Variants in ZNF346 observed in about 807,000 individuals in gnomAD.
ZNF346 encodes the protein double-stranded RNA-binding zinc finger protein JAZ.
In ZNF346, 23 loss-of-function variants were observed where a neutral mutation model predicts 33.7. That is an observed-to-expected ratio of 0.68 (90% CI 0.49 to 0.97). The LOEUF is 0.97. Among genes scored for constraint, ZNF346 ranks in the 50% least tolerant of loss-of-function variants. The probability of loss-of-function intolerance (pLI) is 0.00; values close to 1 mark genes in which losing one functional copy is unlikely to be tolerated. For missense variants in ZNF346, 340 were observed against 371.1 expected (o/e 0.92, Z 0.69); for synonymous variants, 134 against 142.4 (o/e 0.94, Z 0.42).
At chr5:177,031,457 G>A (rs1269423635) in intron 1 of ZNF346, among the ~76,000 whole-genome samples, 1 of 152,150 alleles carries the variant, frequency 6.6e-6, no homozygotes, top group Non-Finnish European at 1.5e-5. Context: ...TTTCAAATAA[G>A]AAGTTGTCAT....
At position 177,041,159 on chromosome 5, in the gene ZNF346, T is replaced by G; in HGVS notation, c.209T>G (p.Phe70Cys). Residue 70 changes from phenylalanine to cysteine, a missense_variant, in exon 2 of 7, where the codon TTC (phenylalanine) becomes TGC (cysteine). Phe to Cys is a radical substitution (Grantham distance 205, BLOSUM62 -2). Coordinates refer to ENST00000358149, the MANE Select transcript of ZNF346 (RefSeq NM_012279.4). The stretch of plus-strand genomic sequence containing the variant: ...ATGATCCAGAAGAACCAATGTCTCT[T>G]CACCAACACCCAGTGTAAGGTTTGC... ...EHMIQKNQCLFTNTQCKVCCA... is the reference protein window; with the variant it reads ...EHMIQKNQCLCTNTQCKVCCA... The G allele has an allele frequency of 6.2e-7, 1 of 1,614,222 alleles. No homozygotes were observed. The highest frequency in any genetic ancestry group is 1.1e-5 in the South Asian group (1 of 91,084).
intron 4 of ZNF346, among the ~76,000 whole-genome samples, chr5:177,045,107 C>T (rs931485699): frequency 2.0e-5 from 3 of 152,200 alleles, no homozygotes; most frequent in African/African-American, 7.2e-5. Context: ...CCCTTTATCT[C>T]GTCACGACTA....
At position 177,041,866 on chromosome 5, in the gene ZNF346, A is replaced by G; in HGVS notation, c.368A>G (p.Asp123Gly). Residue 123 changes from aspartate to glycine, a missense_variant, in exon 3 of 7, where the codon GAT (aspartate) becomes GGT (glycine). Coordinates refer to ENST00000358149, the MANE Select transcript of ZNF346 (RefSeq NM_012279.4). ...GGGGAAACGAAGAAGCTAGACTCAG[A>G]TCAGGTAATACAGCTGCCATATTGA... ...LKGETKKLDS[D>G]QKSSRSKDKN... The G allele has an allele frequency of 6.2e-7, 1 of 1,607,900 alleles. No individual in the cohort carries two copies. The highest frequency in any genetic ancestry group is 8.5e-7 in the Non-Finnish European group (1 of 1,174,744).
intron 1 of ZNF346, among the ~76,000 whole-genome samples, chr5:177,030,775 C>G (rs1777567565): frequency 6.6e-6 from 1 of 152,092 alleles, no homozygotes; most frequent in African/African-American, 2.4e-5. Context: ...AACCCTATAC[C>G]TAGGAGCAAT....
At chr5:177,030,484 T>C (rs1777523630) in intron 1 of ZNF346, among the ~76,000 whole-genome samples, 1 of 151,924 alleles carries the variant, frequency 6.6e-6, no homozygotes, top group Non-Finnish European at 1.5e-5. Flanking sequence ...CCGGGCATGG[T>C]GGTGCCGTGC....
intron 1 of ZNF346, among the ~76,000 whole-genome samples, chr5:177,032,210 G>A (rs1777830811): frequency 6.6e-6 from 1 of 151,730 alleles, no homozygotes; most frequent in Non-Finnish European, 1.5e-5. Flanking sequence ...CACTATGTTG[G>A]TCAGGCTGGT....
rs2149709688 is a variant in ZNF346, at chr5:177,064,622, A to G, written c.*23A>G. 3 of 1,595,438 alleles carry G rather than the reference A, an allele frequency of 1.9e-6. No individual in the cohort carries two copies. The highest frequency in any genetic ancestry group is 2.6e-6 in the Non-Finnish European group (3 of 1,163,124). On this transcript the variant is annotated 3_prime_UTR_variant, in exon 7 of 7. Transcript: ENST00000358149. ...TAGAGGTGATTCTGCCCAGCATCCCATATTGGGCCAGCCATGAGCCAGCTT... is the reference window on the plus strand; with the variant it reads ...TAGAGGTGATTCTGCCCAGCATCCCGTATTGGGCCAGCCATGAGCCAGCTT...
At chr5:177,068,756 T>G (rs1783355410), downstream of ZNF346, among the ~76,000 whole-genome samples, 1 of 142,472 alleles carries the variant, frequency 7.0e-6, no homozygotes, top group Non-Finnish European at 1.5e-5. Flanking sequence ...GTTGTAGGGC[T>G]CTTTCCAGAT....
chr5:177,054,992 T>C (rs1037048515), intron 5 of ZNF346, among the ~76,000 whole-genome samples: 2 of 152,024 alleles, frequency 1.3e-5, no homozygotes, highest in Admixed American at 1.3e-4. Flanking sequence ...ATGTAGATTT[T>C]GCTACATATT....
intron 4 of ZNF346, among the ~76,000 whole-genome samples, chr5:177,046,185 C>T (rs937225412): frequency 1.3e-5 from 2 of 151,656 alleles, no homozygotes; most frequent in Non-Finnish European, 2.9e-5. Flanking sequence ...CCTGTAGTCC[C>T]AGCTTCTTGG....
rs1581849072 is a variant in ZNF346 at position 177,041,007 on chromosome 5, T to C, written c.176-119T>C. On this transcript the variant is annotated intron_variant, in intron 1 of 6. Transcript: ENST00000358149. The stretch of plus-strand genomic sequence containing the variant: ...GCAGTAGGAAAGGCTGGCTGAGGTC[T>C]GCCAGTGTCCTAGTATGGCATCCCA... The C allele has an allele frequency of 4.0e-6, 3 of 748,610 alleles. No homozygotes were observed. In the East Asian group the frequency reaches 7.6e-5, roughly 19 times the overall value. 46.4% of individuals were successfully genotyped at this position (748,610 alleles called of 1,614,324 possible).
At chr5:177,047,289 T>C (rs768424221) in intron 4 of ZNF346, among the ~76,000 whole-genome samples, 3 of 151,874 alleles carry the variant, frequency 2.0e-5, no homozygotes, top group Non-Finnish European at 4.4e-5. Flanking sequence ...CCTCAAACAA[T>C]GATCTTACCG....
chr5:177,072,210 C>T (rs189691511), downstream of ZNF346, among the ~76,000 whole-genome samples: 404 of 152,294 alleles, frequency 2.7e-3, 1 homozygote, highest in African/African-American at 9.5e-3. Context: ...CTTACACAAC[C>T]AAGAAGTAGC....
rs781705367 is a variant in ZNF346, at chr5:177,064,504, A to C, written c.798-8A>C. 6.2e-7 allele frequency: 1 copy of C among 1,613,336 alleles called. No individual in the cohort carries two copies. Among genetic ancestry groups the C allele is most frequent in the Non-Finnish European group, 8.5e-7 (1 of 1,179,200 alleles). ...TGACCCTCTTCCTTTGTTCCTTCTC[A>C]AATACAGGTCACCAAAAACAGTGGC... On this transcript the variant is annotated splice_polypyrimidine_tract_variant and splice_region_variant and intron_variant, in intron 6 of 6. Coordinates refer to ENST00000358149, the MANE Select transcript of ZNF346 (RefSeq NM_012279.4).
chr5:177,041,307 T>C, intron 2 of ZNF346, 78 bp downstream of exon 2: 2 of 1,223,070 alleles, frequency 1.6e-6, no homozygotes, highest in Non-Finnish European at 2.4e-6. Flanking sequence ...GCTTGCATGG[T>C]GAAGTGTAAT....
At chr5:177,024,200 C>CTTTTTTTT (rs781744965) in intron 1 of ZNF346, among the ~76,000 whole-genome samples, 6 of 86,896 alleles carry the variant, frequency 6.9e-5, no homozygotes, top group Non-Finnish European at 1.2e-4. Context: ...GCCCTCTCTC[C>CTTTTTTTT]TTTTTTTTTT....
chr5:177,037,535 G>A (rs1392418909), intron 1 of ZNF346, among the ~76,000 whole-genome samples: 5 of 152,094 alleles, frequency 3.3e-5, no homozygotes, highest in Non-Finnish European at 2.9e-5. Context: ...CAAAACCTAG[G>A]AGTTATCCTT....
chr5:177,052,561 C>T (rs1262929018), intron 5 of ZNF346: 1 of 151,994 alleles, frequency 6.6e-6, no homozygotes, highest in East Asian at 1.9e-4. Flanking sequence ...GGACCCTTAG[C>T]GGATTAGATC....
At chr5:177,041,904 C>T (rs766713608) in intron 3 of ZNF346, 34 bp downstream of exon 3, 1 of 1,431,396 alleles carries the variant, frequency 7.0e-7, no homozygotes, top group Non-Finnish European at 9.8e-7. Context: ...CCACTTGCTT[C>T]ATGATGAAGC....
Sources: gnomAD v4.1 joint callset for allele counts (sites outside exome capture counted in the v4.1 genomes callset) on GRCh38, gnomAD v4.1.1 for gene constraint, MANE v1.5 for transcripts, NCBI Gene and HGNC (gene_info 2026-07-23, HGNC 2026-07-21) for gene names.